The following CLSTN2 variants were observed in gnomAD, a reference collection of about 807,000 sequenced individuals.
CLSTN2 encodes calsyntenin-2.
Under a neutral mutation model 101.2 loss-of-function variants are expected in CLSTN2, and 48 were observed. That is an observed-to-expected ratio of 0.47 (90% CI 0.38 to 0.60). CLSTN2 has a LOEUF of 0.60. CLSTN2 is among the 20% of genes least tolerant of loss of function. CLSTN2 has a pLI of 0.00. For synonymous variants in CLSTN2, 481 were observed against 463.6 expected, an observed-to-expected ratio of 1.04 and a Z score of -0.48; for missense variants, 1,160 against 1,238.2, an observed-to-expected ratio of 0.94 and a Z score of 0.95.
chr3:140,266,086 A>T (rs368232423), intron 2 of CLSTN2, among the ~76,000 whole-genome samples: 1 of 152,116 alleles, frequency 6.6e-6, no homozygotes, highest in East Asian at 1.9e-4. Context: ...CAACATCTGA[A>T]ACAGAGGTGC....
In CLSTN2 at chr3:140,537,667, C is replaced by A. The variant is rs142515993; in HGVS notation, c.1507+5181C>A. Reference sequence around the variant, plus strand: ...CCTGGCTTTAGACAAATACCAGGTTCTTTATTTCTCTCTGGGTCACAACGT... The same window carrying A: ...CCTGGCTTTAGACAAATACCAGGTTATTTATTTCTCTCTGGGTCACAACGT... On this transcript the variant is annotated intron_variant, in intron 9 of 16. Coordinates refer to ENST00000458420, the MANE Select transcript of CLSTN2 (RefSeq NM_022131.3). Among the ~76,000 whole-genome samples, 334 of 152,302 alleles carry A rather than the reference C, an allele frequency of 2.2e-3. 2 individuals carry two copies. Among genetic ancestry groups the A allele is most frequent in the Middle Eastern group, 6.8e-3 (2 of 294 alleles).
At position 140,196,614 on chromosome 3, in the gene CLSTN2, C is replaced by G. The variant is rs536085838; in HGVS notation, c.232+20541C>G. On this transcript the variant is annotated intron_variant, in intron 2 of 16. Coordinates refer to ENST00000458420, the MANE Select transcript of CLSTN2 (RefSeq NM_022131.3). ...TGCTGGCTCCGAAGATGCATATGTG[C>G]CTTTCAGTCCCGTGTAATTACAACC... Among the ~76,000 whole-genome samples the G allele has an allele frequency of 3.3e-4, 51 of 152,270 alleles. No individual in the cohort carries two copies. In the South Asian group the frequency reaches 4.8e-3, roughly 14 times the overall value.
intron 6 of CLSTN2, among the ~76,000 whole-genome samples, chr3:140,459,001 A>G (rs1054088232): frequency 2.0e-4 from 31 of 152,230 alleles, no homozygotes; most frequent in African/African-American, 7.5e-4. Flanking sequence ...TTATGGGATC[A>G]GGATCTAGAA....
intron 1 of CLSTN2, among the ~76,000 whole-genome samples, chr3:139,998,335 C>CTTTTTTTTTTTTTTTTTTTTTTTT (rs1290360293): frequency 1.5e-4 from 3 of 20,430 alleles, no homozygotes; most frequent in Non-Finnish European, 2.4e-4. Context: ...CCCCCACATG[C>CTTTTTTTTTTTTTTTTTTTTTTTT]CTTTTTTTTT....
chr3:140,562,184 C>T lies in CLSTN2; in HGVS notation c.2088C>T (p.Phe696=). Residue 696 remains phenylalanine (F), a synonymous_variant, in exon 13 of 17, where the codon TTC becomes TTT. Coordinates refer to ENST00000458420, the MANE Select transcript of CLSTN2 (RefSeq NM_022131.3). ...AGGAAATGCTTCATAACTTAGATTTCTGTGACATTTTGGTGATCGGAGGGG... is the reference window on the plus strand; with the variant it reads ...AGGAAATGCTTCATAACTTAGATTTTTGTGACATTTTGGTGATCGGAGGGG... ...VLEEMLHNLD[F]CDILVIGGDL... 2 of 1,614,146 alleles carry T rather than the reference C, an allele frequency of 1.2e-6. No individual in the cohort carries two copies. Among genetic ancestry groups the T allele is most frequent in the Non-Finnish European group, 1.7e-6 (2 of 1,179,994 alleles).
chr3:139,979,048 C>T (rs761736414), intron 1 of CLSTN2, among the ~76,000 whole-genome samples: 2 of 152,078 alleles, frequency 1.3e-5, no homozygotes, highest in African/African-American at 2.4e-5. Context: ...CCCAGGGGAT[C>T]CCCTTGTACA....
intron 1 of CLSTN2, among the ~76,000 whole-genome samples, chr3:139,945,092 T>C (rs1273578394): frequency 6.6e-6 from 1 of 152,198 alleles, no homozygotes; most frequent in Non-Finnish European, 1.5e-5. Flanking sequence ...AAAGACATCA[T>C]TTTTGTGACT....
At chr3:140,476,370 C>T (rs990903779) in intron 8 of CLSTN2, among the ~76,000 whole-genome samples, 6 of 152,138 alleles carry the variant, frequency 3.9e-5, no homozygotes, top group East Asian at 1.9e-4. Flanking sequence ...AAAAATCATG[C>T]CATTTAGGCA....
chr3:139,965,179 G>A (rs73867248), intron 1 of CLSTN2, among the ~76,000 whole-genome samples: 5,305 of 152,250 alleles, frequency 0.035, 342 homozygotes, highest in African/African-American at 0.12. Context: ...ATTAATCAAA[G>A]GTTCTATCAT....
chr3:140,492,243 T>C (rs570760488), intron 8 of CLSTN2, among the ~76,000 whole-genome samples: 1 of 152,346 alleles, frequency 6.6e-6, no homozygotes, highest in South Asian at 2.1e-4. Context: ...TATAAATTGG[T>C]ACAGCCTCTT....
At chr3:140,231,816 T>A (rs1466807763) in intron 2 of CLSTN2, among the ~76,000 whole-genome samples, 2 of 152,214 alleles carry the variant, frequency 1.3e-5, no homozygotes, top group Non-Finnish European at 2.9e-5. Context: ...TAGCCTTTGC[T>A]GAATGAAAGA....
intron 4 of CLSTN2, among the ~76,000 whole-genome samples, chr3:140,419,351 C>T (rs1275711167): frequency 1.3e-5 from 2 of 148,438 alleles, no homozygotes; most frequent in African/African-American, 2.5e-5. Flanking sequence ...GGCGTGGTGG[C>T]ATATACCTAT....
chr3:140,403,006 T>C (rs950943894), intron 2 of CLSTN2, among the ~76,000 whole-genome samples: 5 of 152,198 alleles, frequency 3.3e-5, no homozygotes, highest in Non-Finnish European at 7.3e-5. Context: ...TTGCATGCAG[T>C]TGGGGTTCAA....
intron 2 of CLSTN2, among the ~76,000 whole-genome samples, chr3:140,280,813 C>A: frequency 6.6e-6 from 1 of 152,164 alleles, no homozygotes; most frequent in Non-Finnish European, 1.5e-5. Flanking sequence ...TTTGGAGGAA[C>A]TTGAAGAACT....
intron 1 of CLSTN2, among the ~76,000 whole-genome samples, chr3:140,038,998 C>T (rs1172029475): frequency 2.0e-5 from 3 of 152,210 alleles, no homozygotes; most frequent in Admixed American, 1.3e-4. Flanking sequence ...GGCAGTCTGA[C>T]ACCACTTACC....
chr3:140,561,937 A>T (rs1361957054), intron 12 of CLSTN2, among the ~76,000 whole-genome samples: 1 of 152,068 alleles, frequency 6.6e-6, no homozygotes, highest in Non-Finnish European at 1.5e-5. Flanking sequence ...CCACTAATTC[A>T]TGCTACTAAT....
intron 1 of CLSTN2, among the ~76,000 whole-genome samples, chr3:140,056,903 A>G (rs2008107918): frequency 6.6e-6 from 1 of 152,218 alleles, no homozygotes; most frequent in Non-Finnish European, 1.5e-5. Context: ...TCAGTGCCCA[A>G]GATTACATGG....
chr3:140,086,823 C>G (rs2008690849), intron 1 of CLSTN2, among the ~76,000 whole-genome samples: 1 of 152,220 alleles, frequency 6.6e-6, no homozygotes, highest in Admixed American at 6.5e-5. Context: ...TGTTTCACAG[C>G]TGTCTTTGAC....
intron 1 of CLSTN2, among the ~76,000 whole-genome samples, chr3:140,159,444 A>C (rs957107682): frequency 1.3e-5 from 2 of 152,194 alleles, no homozygotes; most frequent in African/African-American, 4.8e-5. Flanking sequence ...TAATCATCAG[A>C]GAAATGCAAA....
Sources: gnomAD v4.1 joint callset for allele counts (sites outside exome capture counted in the v4.1 genomes callset) on GRCh38, gnomAD v4.1.1 for gene constraint, MANE v1.5 for transcripts, NCBI Gene and HGNC (gene_info 2026-07-23, HGNC 2026-07-21) for gene names.